NEURL1: variants seen among roughly 807,000 people sequenced by gnomAD.
NEURL1 encodes neuralized E3 ubiquitin protein ligase 1.
NEURL1 carries 26 observed loss-of-function variants against 41.2 expected under a neutral mutation model. The observed-to-expected ratio is 0.63, with a 90% CI of 0.46 to 0.87. The LOEUF (loss-of-function observed/expected upper bound fraction) is 0.87, where lower values mean the gene tolerates loss of function less well. Among genes scored for constraint, NEURL1 ranks in the 40% least tolerant of loss-of-function variants. The pLI is 0.00. For missense variants in NEURL1, 761 were observed against 871.1 expected, an observed-to-expected ratio of 0.87 and a Z score of 1.59; for synonymous variants, 400 against 402.3, an observed-to-expected ratio of 0.99 and a Z score of 0.07.
At position 103,571,895 on chromosome 10, in the gene NEURL1, G is replaced by A. The variant is rs561673566; in HGVS notation, c.649+73G>A. ...CCTCTGGGCACTGCAGCCTGGCACTGTTCAATCCCATCAGGCGTAGGGACC... is the reference window on the plus strand; with the variant it reads ...CCTCTGGGCACTGCAGCCTGGCACTATTCAATCCCATCAGGCGTAGGGACC... On this transcript the variant is annotated intron_variant, in intron 3 of 5. Coordinates refer to ENST00000369780, the MANE Select transcript of NEURL1 (RefSeq NM_004210.5). 252 of 1,415,114 alleles carry A rather than the reference G, an allele frequency of 1.8e-4. 2 individuals carry two copies. The South Asian group carries it at 3.2e-3, about 18-fold the overall frequency. 87.7% of individuals were successfully genotyped at this position (1,415,114 alleles called of 1,614,324 possible).
intron 1 of NEURL1, among the ~76,000 whole-genome samples, chr10:103,551,607 A>G (rs997981296): frequency 6.6e-6 from 1 of 152,092 alleles, no homozygotes; most frequent in Non-Finnish European, 1.5e-5. Context: ...CCCGGCCCCA[A>G]ATGAAATTTT....
chr10:103,522,442 T>C (rs1006029397), intron 1 of NEURL1, among the ~76,000 whole-genome samples: 1 of 137,806 alleles, frequency 7.3e-6, no homozygotes. Flanking sequence ...ACCCCATCTC[T>C]ACTAATAATA....
intron 1 of NEURL1, among the ~76,000 whole-genome samples, chr10:103,532,759 A>C (rs948949005): frequency 6.6e-6 from 1 of 151,428 alleles, no homozygotes. Context: ...ACTTTTTACA[A>C]TTTGACTATA....
rs2036008277 is a variant in NEURL1 at position 103,590,158 on chromosome 10, G to GCCTGCCCGAGTCGCCAGTGAC, written c.1514_1534dup (p.Leu505_Thr511dup). 1 of 1,613,950 alleles carries GCCTGCCCGAGTCGCCAGTGAC rather than the reference G, an allele frequency of 6.2e-7. No individual in the cohort carries two copies. On this transcript the variant is annotated inframe_insertion, in exon 6 of 6. Coordinates refer to ENST00000369780, the MANE Select transcript of NEURL1 (RefSeq NM_004210.5). ...GGGACAGCCCCCAATTCGCCAGTGA[G>GCCTGCCCGAGTCGCCAGTGAC]CCTGCCCGAGTCGCCAGTGACCCCA...
rs1362844558 is a variant in NEURL1, at chr10:103,518,329, CT to C, written c.85+23858del. ...TAGAGTGCTACATTTTTCCTTCCCC[CT>C]CTTCCTCTCCCTTCCCTTCCCTCCC... On this transcript the variant is annotated intron_variant, in intron 1 of 5. Transcript: ENST00000369780. 1.2e-4 allele frequency among the ~76,000 whole-genome samples: 18 copies of C among 152,278 alleles called. No individual in the cohort carries two copies. The East Asian group carries it at 3.3e-3, about 28-fold the overall frequency.
At chr10:103,580,468 A>T (rs2035762716) in intron 3 of NEURL1, among the ~76,000 whole-genome samples, 1 of 152,082 alleles carries the variant, frequency 6.6e-6, no homozygotes, top group South Asian at 2.1e-4. Context: ...TCTTGGGCCG[A>T]GGTTGGTCCC....
At chr10:103,584,384 T>C (rs527482349) in intron 3 of NEURL1, 152 bp from the exon 4 acceptor site, 316 of 461,928 alleles carry the variant, frequency 6.8e-4, no homozygotes, top group Admixed American at 4.0e-3. Context: ...GAGTCGTTTC[T>C]TGACTGTGTT....
intron 1 of NEURL1, among the ~76,000 whole-genome samples, chr10:103,548,089 A>C (rs955655283): frequency 3.3e-5 from 5 of 152,234 alleles, no homozygotes; most frequent in Middle Eastern, 3.4e-3. Flanking sequence ...CCAGTTTAAA[A>C]TTCATTCTAT....
chr10:103,559,003 C>T (rs1458977259), intron 1 of NEURL1, among the ~76,000 whole-genome samples: 1 of 152,142 alleles, frequency 6.6e-6, no homozygotes, highest in Non-Finnish European at 1.5e-5. Context: ...CCACCCCCTC[C>T]TGTCACAGAG....
At chr10:103,543,929 G>T (rs2034873608) in intron 1 of NEURL1, among the ~76,000 whole-genome samples, 1 of 152,220 alleles carries the variant, frequency 6.6e-6, no homozygotes, top group African/African-American at 2.4e-5. Flanking sequence ...GTGGGGTAGG[G>T]GGGGTCATGG....
intron 1 of NEURL1, among the ~76,000 whole-genome samples, chr10:103,553,677 C>T (rs1477891376): frequency 1.3e-5 from 2 of 152,236 alleles, no homozygotes; most frequent in South Asian, 2.1e-4. Flanking sequence ...GGGCTCAGGA[C>T]CCAGTCCAGT....
intron 1 of NEURL1, 37 bp from the exon 2 acceptor site, chr10:103,570,835 G>A (rs758322388): frequency 4.4e-6 from 7 of 1,592,560 alleles, no homozygotes; most frequent in African/African-American, 1.3e-5. Flanking sequence ...TCTTGGACCC[G>A]CCAAGTTCTC....
At chr10:103,537,660 C>T (rs1188935205) in intron 1 of NEURL1, among the ~76,000 whole-genome samples, 2 of 152,200 alleles carry the variant, frequency 1.3e-5, no homozygotes, top group East Asian at 3.8e-4. Flanking sequence ...TCCCAAAGTG[C>T]TGGGATTACA....
intron 1 of NEURL1, among the ~76,000 whole-genome samples, chr10:103,511,227 G>A (rs1278145299): frequency 1.3e-5 from 2 of 152,148 alleles, no homozygotes; most frequent in Non-Finnish European, 2.9e-5. Context: ...GAGAAGAGGG[G>A]GAACTTTCTC....
chr10:103,511,434 G>A (rs959898317), intron 1 of NEURL1, among the ~76,000 whole-genome samples: 4 of 152,202 alleles, frequency 2.6e-5, no homozygotes, highest in Admixed American at 2.0e-4. Context: ...CATCTGAGGG[G>A]ACCTGGGGTG....
At chr10:103,576,037 A>T (rs931224172) in intron 3 of NEURL1, among the ~76,000 whole-genome samples, 1 of 152,244 alleles carries the variant, frequency 6.6e-6, no homozygotes, top group Non-Finnish European at 1.5e-5. Flanking sequence ...CTGCCTAGGC[A>T]CTAAGCGGGG....
At chr10:103,587,011 A>ACT (rs1247575973) in intron 4 of NEURL1, among the ~76,000 whole-genome samples, 15 of 152,160 alleles carry the variant, frequency 9.9e-5, no homozygotes, top group Non-Finnish European at 1.3e-4. Flanking sequence ...AGATAGTGGC[A>ACT]CTGCATTCCA....
Position 103,584,757 on chromosome 10 carries a change from G to T in NEURL1, c.871G>T (p.Asp291Tyr). 6.9e-7 allele frequency: 1 copy of T among 1,457,302 alleles called. No homozygotes were observed. The highest frequency in any genetic ancestry group is 1.3e-5 in the South Asian group (1 of 75,410). The allele number at this position is 1,457,302 out of a possible 1,614,324, so 90.3% of individuals were successfully genotyped here. A position where few individuals can be genotyped will look rare whatever the true frequency, so the allele number is the denominator to read the frequency against. The change falls in exon 4 of 6, where the codon GAC becomes TAC. Residue 291 changes from aspartate (D) to tyrosine (Y), a missense_variant. Asp to Tyr is a radical substitution (Grantham distance 160). Transcript: ENST00000369780. ...CAGCCGCGCGCTGCCGGCGCAGCTC[G>T]ACGGCGACCTGCGTTTCCACGCCCT... ...QHSRALPAQL[D>Y]GDLRFHALRA...
intron 1 of NEURL1, among the ~76,000 whole-genome samples, chr10:103,562,674 T>A (rs963772254): frequency 6.6e-6 from 1 of 152,310 alleles, no homozygotes; most frequent in African/African-American, 2.4e-5. Flanking sequence ...TGCTTGGTGA[T>A]GCGTCCTCTG....
Sources: allele counts gnomAD v4.1 joint callset (sites outside exome capture counted in the v4.1 genomes callset), GRCh38; gene constraint gnomAD v4.1.1; transcripts MANE v1.5; gene names NCBI Gene and HGNC (gene_info 2026-07-23, HGNC 2026-07-21).